The following ESRRB variants were observed in gnomAD, a reference collection of about 807,000 sequenced individuals.
ESRRB encodes the protein estrogen related receptor beta.
Under a neutral mutation model 46.0 loss-of-function variants are expected in ESRRB, and 16 were observed. That is an observed-to-expected ratio of 0.35 (90% CI 0.24 to 0.53). The LOEUF (loss-of-function observed/expected upper bound fraction) is 0.53, where lower values mean the gene tolerates loss of function less well. Among genes scored for constraint, ESRRB ranks in the 20% least tolerant of loss-of-function variants. The pLI is 0.93. For synonymous variants in ESRRB, 246 were observed against 259.6 expected (o/e 0.95, Z 0.50); for missense variants, 488 against 607.4 (o/e 0.80, Z 2.07).
Position 76,439,618 on chromosome 14 carries a change from A to G in ESRRB, c.328A>G (p.Ile110Val). The change falls in exon 2 of 7, where the codon ATC becomes GTC. Residue 110 changes from isoleucine (I) to valine (V), a missense_variant. Transcript: ENST00000644823. ...CAGCGGCATCATGGAGGACTCGGCC[A>G]TCAAGTGCGAGTACATGCTCAACGC... ...CASGIMEDSA[I>V]KCEYMLNAIP... 3 of 1,614,218 alleles carry G rather than the reference A, an allele frequency of 1.9e-6. No homozygotes were observed. In the South Asian group the frequency reaches 3.3e-5, roughly 18 times the overall value.
At chr14:76,341,276 C>G (rs1261763546) in intron 1 of ESRRB, among the ~76,000 whole-genome samples, 2 of 152,246 alleles carry the variant, frequency 1.3e-5, no homozygotes, top group East Asian at 3.8e-4. Context: ...TCTCCCTCAG[C>G]TGGTTCTCGG....
At chr14:76,408,502 C>T (rs897822626) in intron 1 of ESRRB, among the ~76,000 whole-genome samples, 1 of 141,180 alleles carries the variant, frequency 7.1e-6, no homozygotes, top group African/African-American at 2.6e-5. Flanking sequence ...GGTGGTGGGG[C>T]GATTGCTTGA....
At chr14:76,450,002 C>T (rs1888320217) in intron 2 of ESRRB, among the ~76,000 whole-genome samples, 1 of 152,106 alleles carries the variant, frequency 6.6e-6, no homozygotes, top group Non-Finnish European at 1.5e-5. Context: ...TCAAGCATTC[C>T]TATGGCCCCC....
chr14:76,339,132 A>T (rs1884161135), intron 1 of ESRRB, among the ~76,000 whole-genome samples: 1 of 152,116 alleles, frequency 6.6e-6, no homozygotes, highest in South Asian at 2.1e-4. Flanking sequence ...GGGCCCTAAA[A>T]AATCTTTTAA....
At chr14:76,415,214 G>A (rs73318311) in intron 1 of ESRRB, among the ~76,000 whole-genome samples, 3,154 of 152,250 alleles carry the variant, frequency 0.021, 103 homozygotes, top group African/African-American at 0.072. Context: ...TGCCTAATTC[G>A]AACAGTTGTA....
chr14:76,366,509 A>G (rs1378444840), upstream of ESRRB, among the ~76,000 whole-genome samples: 1 of 152,224 alleles, frequency 6.6e-6, no homozygotes, highest in Non-Finnish European at 1.5e-5. Context: ...GCTGTGTGAT[A>G]TAATAGACTC....
chr14:76,492,342 T>A (rs1890264249), intron 6 of ESRRB, among the ~76,000 whole-genome samples: 1 of 152,154 alleles, frequency 6.6e-6, no homozygotes, highest in African/African-American at 2.4e-5. Context: ...CTTATTTCTA[T>A]TTTTTATGGA....
intron 3 of ESRRB, among the ~76,000 whole-genome samples, chr14:76,463,638 G>T (rs563319694): frequency 6.6e-6 from 1 of 151,636 alleles, no homozygotes; most frequent in African/African-American, 2.4e-5. Flanking sequence ...TAGTAGAGAC[G>T]GGGTTTCACG....
intron 5 of ESRRB, among the ~76,000 whole-genome samples, chr14:76,489,959 G>C (rs1890160422): frequency 6.6e-6 from 1 of 152,172 alleles, no homozygotes; most frequent in African/African-American, 2.4e-5. Context: ...CTAGCATGTT[G>C]AGTGCTGATG....
chr14:76,420,411 A>G (rs1886889979), intron 1 of ESRRB, among the ~76,000 whole-genome samples: 2 of 152,204 alleles, frequency 1.3e-5, no homozygotes, highest in East Asian at 1.9e-4. Flanking sequence ...ACCAAACATA[A>G]TAAGAACTCA....
intron 1 of ESRRB, among the ~76,000 whole-genome samples, chr14:76,318,096 G>A (rs937482333): frequency 2.6e-5 from 4 of 152,218 alleles, no homozygotes; most frequent in Admixed American, 2.6e-4. Context: ...TTAAATTTTG[G>A]CTTTAATTTG....
intron 1 of ESRRB, among the ~76,000 whole-genome samples, chr14:76,319,166 C>A (rs1206643715): frequency 1.3e-5 from 2 of 152,236 alleles, no homozygotes; most frequent in Non-Finnish European, 2.9e-5. Context: ...TCTTTGCTGT[C>A]CTAAGCATTC....
At chr14:76,322,361 C>T (rs554293090) in intron 1 of ESRRB, among the ~76,000 whole-genome samples, 4 of 152,336 alleles carry the variant, frequency 2.6e-5, no homozygotes, top group Admixed American at 2.0e-4. Flanking sequence ...TTGGAGAATG[C>T]AGACCTAATC....
intron 2 of ESRRB, among the ~76,000 whole-genome samples, chr14:76,456,200 T>C (rs1324199471): frequency 6.6e-6 from 1 of 152,208 alleles, no homozygotes; most frequent in Non-Finnish European, 1.5e-5. Flanking sequence ...GGTTCTGCAG[T>C]GTGGCTAGCT....
rs953366241 is a variant in ESRRB at position 76,482,490 on chromosome 14, T to G, written c.689-108T>G. 6.1e-6 allele frequency: 7 copies of G among 1,145,938 alleles called. No individual in the cohort carries two copies. In the African/African-American group the frequency reaches 1.1e-4, roughly 17 times the overall value. 71.0% of individuals were successfully genotyped at this position (1,145,938 alleles called of 1,614,324 possible). On this transcript the variant is annotated intron_variant, in intron 4 of 6. Coordinates refer to ENST00000644823, the MANE Select transcript of ESRRB (RefSeq NM_001379180.1). The surrounding 1 kb of genome is among the most constrained non-coding windows in gnomAD (Gnocchi z 4.3). ...GGGGAGATTATAGCCGCTTTGACCT[T>G]CCTGGAGCTCTTAGGAACCCAACTT...
At chr14:76,441,843 C>T (rs949722999) in intron 2 of ESRRB, among the ~76,000 whole-genome samples, 2 of 152,226 alleles carry the variant, frequency 1.3e-5, no homozygotes, top group East Asian at 3.8e-4. Flanking sequence ...CCATCCTGCC[C>T]CTGCATCAGA....
intron 1 of ESRRB, among the ~76,000 whole-genome samples, chr14:76,438,145 C>A (rs1887754911): frequency 6.6e-6 from 1 of 152,038 alleles, no homozygotes; most frequent in Non-Finnish European, 1.5e-5. Context: ...GGTTTGGGAG[C>A]CACCTTCCAG....
Position 76,499,856 on chromosome 14 carries a change from C to T in ESRRB, c.*1398C>T, listed in dbSNP as rs755771149. Reference sequence around the variant, plus strand: ...GGGCAGCCCTGAACACCCATTTGTGCTCACAGGTTGGCCAAGAGCAGCTTA... The same window carrying T: ...GGGCAGCCCTGAACACCCATTTGTGTTCACAGGTTGGCCAAGAGCAGCTTA... On this transcript the variant is annotated 3_prime_UTR_variant, in exon 7 of 7. Coordinates refer to ENST00000644823, the MANE Select transcript of ESRRB (RefSeq NM_001379180.1). 8 of 1,613,202 alleles carry T rather than the reference C, an allele frequency of 5.0e-6. No individual in the cohort carries two copies. In the East Asian group the frequency reaches 1.8e-4, roughly 36 times the overall value.
At chr14:76,328,544 G>A (rs1420049139) in intron 1 of ESRRB, among the ~76,000 whole-genome samples, 39 of 49,830 alleles carry the variant, frequency 7.8e-4, no homozygotes, top group Non-Finnish European at 1.2e-4. Flanking sequence ...CCCCACCCCC[G>A]CCCCACACAC....
Sources: gnomAD v4.1 joint callset for allele counts (sites outside exome capture counted in the v4.1 genomes callset) on GRCh38, gnomAD v4.1.1 for gene constraint, Gnocchi (gnomAD v3.1) non-coding constraint, MANE v1.5 for transcripts, NCBI Gene and HGNC (gene_info 2026-07-23, HGNC 2026-07-21) for gene names.